The following EBF1 variants were observed in gnomAD, a reference collection of about 807,000 sequenced individuals.
The protein encoded by EBF1 is transcription factor COE1.
In EBF1, 10 loss-of-function variants were observed where a neutral mutation model predicts 68.4. The observed-to-expected ratio is 0.15, with a 90% confidence interval of 0.09 to 0.25. The LOEUF is 0.25. Ranked by LOEUF, EBF1 falls within the 10% of genes least tolerant of loss-of-function variation. The probability of loss-of-function intolerance (pLI) is 1.00; values close to 1 mark genes in which losing one functional copy is unlikely to be tolerated. For synonymous variants in EBF1, 298 were observed against 299.8 expected, an observed-to-expected ratio of 0.99 and a Z score of 0.06; for missense variants, 509 against 794.4, an observed-to-expected ratio of 0.64 and a Z score of 4.32.
intron 6 of EBF1, among the ~76,000 whole-genome samples, chr5:158,962,760 A>G (rs1275588421): frequency 2.0e-5 from 3 of 152,216 alleles, no homozygotes; most frequent in Non-Finnish European, 4.4e-5. Context: ...CTGCGGGACT[A>G]AAAAGGTATA....
rs190318747 is a variant in EBF1, at chr5:158,831,709, C to A, written c.636+8320G>T. ...AAGAAATGGGGTTTCGCCATGTTGG[C>A]CAGGCTGGTCTCAAACTCCTGGCCT... On this transcript the variant is annotated intron_variant, in intron 7 of 15. Coordinates refer to ENST00000313708, the MANE Select transcript of EBF1 (RefSeq NM_024007.5). 3.9e-5 allele frequency among the ~76,000 whole-genome samples: 6 copies of A among 152,216 alleles called. No individual in the cohort carries two copies. The East Asian group carries it at 7.7e-4, about 20-fold the overall frequency.
intron 6 of EBF1, among the ~76,000 whole-genome samples, chr5:158,953,298 C>G (rs1204255150): frequency 1.3e-5 from 2 of 152,210 alleles, no homozygotes; most frequent in Non-Finnish European, 2.9e-5. Context: ...TTGCTCCTTT[C>G]TTCTTCATAT....
chr5:158,854,745 C>T (rs1387022247), intron 6 of EBF1, among the ~76,000 whole-genome samples: 6 of 152,292 alleles, frequency 3.9e-5, no homozygotes, highest in East Asian at 1.9e-4. Context: ...AAAGAAGACG[C>T]CATCAAACCC....
chr5:158,820,094 A>G (rs1335443936), intron 8 of EBF1, among the ~76,000 whole-genome samples: 1 of 152,098 alleles, frequency 6.6e-6, no homozygotes, highest in Non-Finnish European at 1.5e-5. Context: ...ACTTCCTCCA[A>G]CAGTCTGACA....
At chr5:158,796,292 AGT>A (rs1779606686) in intron 9 of EBF1, 51 bp downstream of exon 9, 1 of 1,550,698 alleles carries the variant, frequency 6.4e-7, no homozygotes. Context: ...AAGTATAGAC[AGT>A]ATCTTCAACT....
At chr5:158,822,763 T>C (rs1785139720) in intron 8 of EBF1, among the ~76,000 whole-genome samples, 2 of 152,216 alleles carry the variant, frequency 1.3e-5, no homozygotes, top group Admixed American at 6.5e-5. Context: ...TTATAAAACC[T>C]CAATGGTCAA....
intron 7 of EBF1, among the ~76,000 whole-genome samples, chr5:158,827,879 T>A (rs1368296): frequency 0.77 from 117,040 of 152,098 alleles, 45,417 homozygotes; most frequent in South Asian, 0.88. Flanking sequence ...TATATTTTTG[T>A]AATTTAAATT....
chr5:158,825,917 T>G (rs554528588), intron 7 of EBF1, among the ~76,000 whole-genome samples: 3 of 151,398 alleles, frequency 2.0e-5, no homozygotes, highest in East Asian at 3.9e-4. Context: ...CAGAGCGACT[T>G]GTAAATTAAA....
chr5:159,077,745 C>CTTTTTTTTT (rs58717165), intron 5 of EBF1, among the ~76,000 whole-genome samples: 5 of 80,628 alleles, frequency 6.2e-5, no homozygotes, highest in African/African-American at 1.5e-4. Flanking sequence ...CAGTGGTTTG[C>CTTTTTTTTT]TTTTTTTTTT....
intron 9 of EBF1, among the ~76,000 whole-genome samples, chr5:158,792,269 A>G (rs1173876766): frequency 2.6e-5 from 4 of 152,208 alleles, no homozygotes; most frequent in African/African-American, 9.6e-5. Context: ...AACAATAAAG[A>G]AAGAGGAAGG....
chr5:159,095,718 G>A (rs765077674), intron 3 of EBF1, 43 bp from the exon 4 acceptor site: 5 of 1,599,368 alleles, frequency 3.1e-6, no homozygotes, highest in Admixed American at 3.4e-5. Flanking sequence ...TAAGTGAGAG[G>A]TTACGGAGGG....
At chr5:159,003,786 A>C (rs1174451261) in intron 6 of EBF1, among the ~76,000 whole-genome samples, 1 of 152,196 alleles carries the variant, frequency 6.6e-6, no homozygotes, top group Non-Finnish European at 1.5e-5. Flanking sequence ...GGTGTGATCT[A>C]TCACTGCTCC....
intron 9 of EBF1, among the ~76,000 whole-genome samples, chr5:158,779,520 T>A (rs1277244110): frequency 6.6e-6 from 1 of 152,198 alleles, no homozygotes; most frequent in Non-Finnish European, 1.5e-5. Context: ...GCCATGCTTT[T>A]GGTGGTAAAG....
At chr5:159,034,468 A>G (rs1203645116) in intron 6 of EBF1, among the ~76,000 whole-genome samples, 1 of 152,198 alleles carries the variant, frequency 6.6e-6, no homozygotes, top group East Asian at 1.9e-4. Context: ...AAATTGGGCC[A>G]GAGCGCCTCT....
At chr5:158,778,882 C>G (rs1775845238) in intron 9 of EBF1, among the ~76,000 whole-genome samples, 1 of 152,090 alleles carries the variant, frequency 6.6e-6, no homozygotes, top group Non-Finnish European at 1.5e-5. Flanking sequence ...CTATTTATCC[C>G]TGTACTAAAT....
chr5:158,925,229 A>T (rs1299643603), intron 6 of EBF1, among the ~76,000 whole-genome samples: 1 of 152,072 alleles, frequency 6.6e-6, no homozygotes, highest in African/African-American at 2.4e-5. Flanking sequence ...TATGAAATCA[A>T]CCTGCTTTAT....
intron 7 of EBF1, among the ~76,000 whole-genome samples, chr5:158,831,814 A>T (rs1787641258): frequency 6.6e-6 from 1 of 152,140 alleles, no homozygotes. Context: ...AAATCTGAAT[A>T]AAAAATATCC....
chr5:158,714,304 C>G (rs572994662), intron 11 of EBF1, 122 bp from the exon 12 acceptor site: 2 of 1,057,726 alleles, frequency 1.9e-6, no homozygotes, highest in Non-Finnish European at 2.9e-6. Context: ...AAGGCCGTAG[C>G]TTGGGGAACC....
intron 11 of EBF1, among the ~76,000 whole-genome samples, chr5:158,730,455 T>C (rs1172989492): frequency 2.6e-5 from 4 of 152,228 alleles, no homozygotes; most frequent in Non-Finnish European, 4.4e-5. Context: ...ATTAATGATG[T>C]ATTGGTGACA....
Sources: allele counts gnomAD v4.1 joint callset (sites outside exome capture counted in the v4.1 genomes callset), GRCh38; gene constraint gnomAD v4.1.1; transcripts MANE v1.5; gene names NCBI Gene and HGNC (gene_info 2026-07-23, HGNC 2026-07-21).